SCAF8: variants seen among roughly 807,000 people sequenced by gnomAD.
SCAF8 encodes SR-related CTD associated factor 8.
A neutral mutation model predicts 140.5 loss-of-function variants in SCAF8; 23 were observed. The observed-to-expected ratio is 0.16, with a 90% CI of 0.12 to 0.23. The LOEUF is 0.23. Ranked by LOEUF, SCAF8 falls within the 10% of genes least tolerant of loss-of-function variation. SCAF8 has a pLI of 1.00. For synonymous variants in SCAF8, 575 were observed against 528.9 expected (o/e 1.09, Z -1.20); for missense variants, 1,397 against 1,555.7 (o/e 0.90, Z 1.72).
chr6:154,790,294 AT>A (rs1163290222), intron 4 of SCAF8, among the ~76,000 whole-genome samples: 1 of 152,160 alleles, frequency 6.6e-6, no homozygotes, highest in African/African-American at 2.4e-5. Flanking sequence ...GAGTGGAGAA[AT>A]AGTCAAATCA....
At chr6:154,789,767 G>A (rs984221474) in intron 4 of SCAF8, among the ~76,000 whole-genome samples, 2 of 151,326 alleles carry the variant, frequency 1.3e-5, no homozygotes, top group South Asian at 2.1e-4. Flanking sequence ...GGATGGTCTC[G>A]ATCTCCTGAC....
intron 4 of SCAF8, among the ~76,000 whole-genome samples, chr6:154,789,452 T>C (rs1777348133): frequency 6.6e-6 from 1 of 152,104 alleles, no homozygotes; most frequent in Admixed American, 6.6e-5. Context: ...GAACTATTCT[T>C]GAATATACTC....
chr6:154,800,207 G>GT lies in SCAF8; in HGVS notation c.607-1756dup, dbSNP rs909705102. Reference sequence around the variant, plus strand: ...TTCTGTTATGTTATATAATTACTTGGTTTTTTTTCTACCTCTTCCCACTGG... The same window carrying GT: ...TTCTGTTATGTTATATAATTACTTGGTTTTTTTTTCTACCTCTTCCCACTGG... On this transcript the variant is annotated intron_variant, in intron 6 of 19. Transcript: ENST00000367178. Among the ~76,000 whole-genome samples, 57 of 150,916 alleles carry GT rather than the reference G, an allele frequency of 3.8e-4. 1 individual carries two copies. Among genetic ancestry groups the GT allele is most frequent in the African/African-American group, 5.1e-4 (21 of 41,332 alleles).
intron 1 of SCAF8, among the ~76,000 whole-genome samples, chr6:154,739,025 G>C (rs368446230): frequency 6.6e-6 from 1 of 152,078 alleles, no homozygotes; most frequent in African/African-American, 2.4e-5. Flanking sequence ...AGTTTCTCTT[G>C]CCCAGGCTAG....
intron 1 of SCAF8, among the ~76,000 whole-genome samples, chr6:154,734,515 A>G (rs2114779640): frequency 6.6e-6 from 1 of 152,298 alleles, no homozygotes; most frequent in Non-Finnish European, 1.5e-5. Flanking sequence ...ATTCTGCAAT[A>G]TCTTTTATTT....
intron 19 of SCAF8, among the ~76,000 whole-genome samples, chr6:154,831,703 T>TAAAAAAAAAAAAAAAAAAA (rs58013583): frequency 6.2e-5 from 3 of 48,068 alleles, no homozygotes; most frequent in African/African-American, 2.1e-4. Context: ...CTCCTGTTCT[T>TAAAAAAAAAAAAAAAAAAA]AAAAAAAAAA....
intron 1 of SCAF8, among the ~76,000 whole-genome samples, chr6:154,755,704 G>C (rs1165579700): frequency 6.6e-6 from 1 of 152,134 alleles, no homozygotes; most frequent in African/African-American, 2.4e-5. Context: ...ATAGGAATAT[G>C]CTTATTATAT....
chr6:154,779,930 A>T (rs1049413478), intron 3 of SCAF8, among the ~76,000 whole-genome samples: 2 of 152,132 alleles, frequency 1.3e-5, no homozygotes, highest in African/African-American at 4.8e-5. Context: ...GTAGAATTGT[A>T]GTAAAATATT....
At chr6:154,801,856 A>G (rs1473997573) in intron 6 of SCAF8, 115 bp from the exon 7 acceptor site, 28 of 651,080 alleles carry the variant, frequency 4.3e-5, no homozygotes, top group Admixed American at 8.1e-5. Flanking sequence ...AATAGTGTGT[A>G]TTTTTTTCAA....
Position 154,733,462 on chromosome 6 carries a change from T to G in SCAF8, c.-439T>G. 10 of 1,372,348 alleles carry G rather than the reference T, an allele frequency of 7.3e-6. No homozygotes were observed. The highest frequency in any genetic ancestry group is 9.4e-6 in the Non-Finnish European group (10 of 1,065,194). 85.0% of individuals were successfully genotyped at this position (1,372,348 alleles called of 1,614,324 possible). The stretch of plus-strand genomic sequence containing the variant: ...GCTGCCAGCGCTTCCTCCTCTGTCT[T>G]CGCCGAGCGGGGCTGGTTCCTGCGG... On this transcript the variant is annotated 5_prime_UTR_variant, in exon 1 of 20. Coordinates refer to ENST00000367178, the MANE Select transcript of SCAF8 (RefSeq NM_014892.5).
At chr6:154,821,137 AT>A (rs1214799016) in intron 15 of SCAF8, among the ~76,000 whole-genome samples, 2 of 152,104 alleles carry the variant, frequency 1.3e-5, no homozygotes, top group African/African-American at 4.8e-5. Flanking sequence ...GTCAGGCCCA[AT>A]TTTAGGAACT....
At chr6:154,796,759 G>A (rs971695880) in intron 6 of SCAF8, among the ~76,000 whole-genome samples, 2 of 152,114 alleles carry the variant, frequency 1.3e-5, no homozygotes, top group African/African-American at 4.8e-5. Flanking sequence ...GATCACTTGA[G>A]GCCAGGAGTT....
At chr6:154,770,071 C>G (rs1776691964) in intron 1 of SCAF8, among the ~76,000 whole-genome samples, 2 of 152,134 alleles carry the variant, frequency 1.3e-5, no homozygotes, top group Admixed American at 6.5e-5. Context: ...GAATAAAGGG[C>G]ATGAATATAT....
intron 12 of SCAF8, among the ~76,000 whole-genome samples, chr6:154,813,918 CAG>C (rs1778170939): frequency 6.6e-6 from 1 of 152,204 alleles, no homozygotes; most frequent in South Asian, 2.1e-4. Flanking sequence ...GGTAAGGAAA[CAG>C]ATTCTCCCCT....
chr6:154,832,947 T>G lies in SCAF8; in HGVS notation c.3368T>G (p.Phe1123Cys). 6.2e-7 allele frequency: 1 copy of G among 1,613,962 alleles called. No homozygotes were observed. Among genetic ancestry groups the G allele is most frequent in the Non-Finnish European group, 8.5e-7 (1 of 1,179,968 alleles). ...PKGLHEERGR[F>C]RSGNYRFDPR... ...GGCTTACATGAAGAAAGAGGTAGAT[T>G]TCGGTCTGGAAACTATCGATTTGAT... is the stretch of plus-strand genomic sequence containing the variant. Residue 1123 changes from phenylalanine (F) to cysteine (C), a missense_variant, in exon 20 of 20, where the codon TTT (phenylalanine) becomes TGT (cysteine). This residue lies in a region of SCAF8 where 930 missense variants were observed against 874.6 expected (regional missense o/e 1.06). Coordinates refer to ENST00000367178, the MANE Select transcript of SCAF8 (RefSeq NM_014892.5).
At chr6:154,777,715 T>C (rs184913548) in intron 2 of SCAF8, among the ~76,000 whole-genome samples, 1 of 152,354 alleles carries the variant, frequency 6.6e-6, no homozygotes, top group East Asian at 1.9e-4. Context: ...AACTGTTTGT[T>C]AAAGTATGCT....
Position 154,795,094 on chromosome 6 carries a change from A to G in SCAF8, c.561A>G (p.Thr187=). 2 of 1,613,644 alleles carry G rather than the reference A, an allele frequency of 1.2e-6. No individual in the cohort carries two copies. The highest frequency in any genetic ancestry group is 1.1e-5 in the South Asian group (1 of 91,010). The change falls in exon 6 of 20, where the codon ACA becomes ACG. Residue 187 remains threonine (T), a synonymous_variant. Coordinates refer to ENST00000367178, the MANE Select transcript of SCAF8 (RefSeq NM_014892.5). ...PWVSQITNTD[T]LAAVAQILQS... is the part of the protein sequence containing the mutation. Reference sequence around the variant, plus strand: ...TATCTCAGATAACAAATACAGATACACTTGCGGCTGTAGCTCAGATCTTGC... The same window carrying G: ...TATCTCAGATAACAAATACAGATACGCTTGCGGCTGTAGCTCAGATCTTGC...
At chr6:154,771,192 T>G (rs767583288) in intron 1 of SCAF8, among the ~76,000 whole-genome samples, 7 of 152,220 alleles carry the variant, frequency 4.6e-5, no homozygotes, top group Non-Finnish European at 1.0e-4. Context: ...ATTACAGCAG[T>G]GAATGCTTCA....
chr6:154,793,815 CAAAAAAAAA>C (rs59257286), intron 5 of SCAF8, among the ~76,000 whole-genome samples: 2 of 69,316 alleles, frequency 2.9e-5, no homozygotes, highest in African/African-American at 1.1e-4. Flanking sequence ...AACTCTGTCT[CAAAAAAAAA>C]AAAAAAAAAA....
Sources: gnomAD v4.1 joint callset for allele counts (sites outside exome capture counted in the v4.1 genomes callset) on GRCh38, gnomAD v4.1.1 for gene constraint, gnomAD v4.1.1 regional missense constraint, MANE v1.5 for transcripts, NCBI Gene and HGNC (gene_info 2026-07-23, HGNC 2026-07-21) for gene names.